Variants in FAM168A observed in about 807,000 individuals in gnomAD.
FAM168A encodes family with sequence similarity 168 member A.
Under a neutral mutation model 28.5 loss-of-function variants are expected in FAM168A, and 3 were observed. The observed-to-expected ratio is 0.11, with a 90% CI of 0.05 to 0.27. The LOEUF is 0.27. FAM168A is among the 10% of genes least tolerant of loss of function. The pLI is 1.00. For missense variants in FAM168A, 222 were observed against 311.5 expected (o/e 0.71, Z 2.16); for synonymous variants, 122 against 124.2 (o/e 0.98, Z 0.12).
chr11:73,571,219 C>T, intron 1 of FAM168A, among the ~76,000 whole-genome samples: 1 of 104,882 alleles, frequency 9.5e-6, no homozygotes, highest in African/African-American at 5.1e-5. Flanking sequence ...TAAACTCTCC[C>T]TCTCCCCCTC....
chr11:73,574,173 T>C (rs1264881431), intron 1 of FAM168A, among the ~76,000 whole-genome samples: 1 of 152,212 alleles, frequency 6.6e-6, no homozygotes, highest in Non-Finnish European at 1.5e-5. Flanking sequence ...TAATTATGAA[T>C]GTCACATAAT....
intron 1 of FAM168A, among the ~76,000 whole-genome samples, chr11:73,589,183 A>G (rs1313856939): frequency 6.6e-6 from 1 of 152,250 alleles, no homozygotes; most frequent in East Asian, 1.9e-4. Context: ...CCAACGCATA[A>G]TGCTACAAAA....
At chr11:73,502,218 GT>G (rs1269089293) in intron 1 of FAM168A, among the ~76,000 whole-genome samples, 18 of 151,672 alleles carry the variant, frequency 1.2e-4, no homozygotes. Context: ...CCAGGAGCTG[GT>G]TTTCTGAAAA....
chr11:73,563,675 T>C lies in FAM168A; in HGVS notation c.-19+34248A>G, dbSNP rs183382025. ...CCCAAAAGCTTTTCCTTCTATTAACTCACAACAACCCTTTGAGCCAGGCAG... is the reference window on the plus strand; with the variant it reads ...CCCAAAAGCTTTTCCTTCTATTAACCCACAACAACCCTTTGAGCCAGGCAG... On this transcript the variant is annotated intron_variant, in intron 1 of 7. Coordinates refer to ENST00000356467, the MANE Select transcript of FAM168A (RefSeq NM_015159.3). Among the ~76,000 whole-genome samples, 30 of 152,320 alleles carry C rather than the reference T, an allele frequency of 2.0e-4. 1 individual carries two copies. Among genetic ancestry groups the C allele is most frequent in the Admixed American group, 1.9e-3 (29 of 15,302 alleles).
chr11:73,478,809 G>T (rs904972585), intron 1 of FAM168A, among the ~76,000 whole-genome samples: 1 of 152,026 alleles, frequency 6.6e-6, no homozygotes, highest in African/African-American at 2.4e-5. Context: ...TTTATATGAG[G>T]GAAACAGCCT....
At chr11:73,562,176 C>T (rs1006104755) in intron 1 of FAM168A, among the ~76,000 whole-genome samples, 1 of 152,174 alleles carries the variant, frequency 6.6e-6, no homozygotes, top group Admixed American at 6.5e-5. Context: ...CTCCTGACTT[C>T]GTGATCCGCC....
chr11:73,450,110 C>T (rs1168325292), intron 2 of FAM168A, among the ~76,000 whole-genome samples: 1 of 152,228 alleles, frequency 6.6e-6, no homozygotes, highest in African/African-American at 2.4e-5. Context: ...CTGCTGGAAA[C>T]TGGCTTGCAT....
At chr11:73,533,309 C>T (rs1187914647) in intron 1 of FAM168A, among the ~76,000 whole-genome samples, 1 of 152,130 alleles carries the variant, frequency 6.6e-6, no homozygotes, top group Non-Finnish European at 1.5e-5. Flanking sequence ...TGGAATTCAG[C>T]AACCCAATTA....
intron 1 of FAM168A, among the ~76,000 whole-genome samples, chr11:73,581,815 T>C (rs1944250662): frequency 6.6e-6 from 1 of 151,412 alleles, no homozygotes; most frequent in South Asian, 2.1e-4. Flanking sequence ...GCCTCCCGGG[T>C]TCAAGCGATT....
chr11:73,594,363 G>C (rs1944418894), intron 1 of FAM168A, among the ~76,000 whole-genome samples: 1 of 151,200 alleles, frequency 6.6e-6, no homozygotes, highest in Non-Finnish European at 1.5e-5. Flanking sequence ...GCCTCCCAAA[G>C]TCTGGGATTA....
At chr11:73,440,741 G>A (rs1365331784) in intron 2 of FAM168A, among the ~76,000 whole-genome samples, 1 of 152,140 alleles carries the variant, frequency 6.6e-6, no homozygotes, top group Non-Finnish European at 1.5e-5. Flanking sequence ...CCAAAAGGGA[G>A]AACCACAAAA....
At chr11:73,482,010 G>C (rs1867973641) in intron 1 of FAM168A, among the ~76,000 whole-genome samples, 1 of 151,982 alleles carries the variant, frequency 6.6e-6, no homozygotes, top group African/African-American at 2.4e-5. Flanking sequence ...AGCATTCAAG[G>C]TGCTGTCTTA....
At chr11:73,473,481 G>A (rs1867843135) in intron 1 of FAM168A, among the ~76,000 whole-genome samples, 1 of 152,130 alleles carries the variant, frequency 6.6e-6, no homozygotes, top group Non-Finnish European at 1.5e-5. Context: ...GGTCACTGCT[G>A]GGCACCATGG....
intron 1 of FAM168A, among the ~76,000 whole-genome samples, chr11:73,534,408 T>C (rs192894349): frequency 7.9e-6 from 1 of 125,988 alleles, no homozygotes; most frequent in Admixed American, 7.3e-5. Flanking sequence ...TATTTATTTA[T>C]TTTTTTTTTT....
intron 1 of FAM168A, among the ~76,000 whole-genome samples, chr11:73,508,588 C>T (rs555424383): frequency 1.3e-5 from 2 of 151,684 alleles, no homozygotes; most frequent in Non-Finnish European, 2.9e-5. Context: ...CCTGAGAATA[C>T]CAGGGGTGGG....
chr11:73,519,972 A>C lies in FAM168A; in HGVS notation c.-18-51480T>G, dbSNP rs181996300. On this transcript the variant is annotated intron_variant, in intron 1 of 7. Coordinates refer to ENST00000356467, the MANE Select transcript of FAM168A (RefSeq NM_015159.3). ...CTCTGCCCAGTACATAGATTTTTGA[A>C]GCAATATTGTTGGGTTAATCACAGG... 3.7e-3 allele frequency among the ~76,000 whole-genome samples: 558 copies of C among 152,038 alleles called. 3 individuals carry two copies. Among genetic ancestry groups the C allele is most frequent in the African/African-American group, 0.013 (526 of 41,458 alleles).
intron 1 of FAM168A, among the ~76,000 whole-genome samples, chr11:73,534,710 T>C (rs1943555877): frequency 6.6e-6 from 1 of 152,066 alleles, no homozygotes; most frequent in Non-Finnish European, 1.5e-5. Context: ...GGCAGTACCA[T>C]ATATTTCTAG....
At chr11:73,574,675 G>A (rs1192247423) in intron 1 of FAM168A, among the ~76,000 whole-genome samples, 1 of 149,602 alleles carries the variant, frequency 6.7e-6, no homozygotes, top group Non-Finnish European at 1.5e-5. Flanking sequence ...TGATTCTCCT[G>A]CCTCAGCCTC....
chr11:73,441,085 A>G (rs1229536379), intron 2 of FAM168A, among the ~76,000 whole-genome samples: 1 of 149,236 alleles, frequency 6.7e-6, no homozygotes, highest in African/African-American at 2.5e-5. Context: ...TTTGAGACAG[A>G]GTCTTGCTCT....
Sources: allele counts gnomAD v4.1 joint callset (sites outside exome capture counted in the v4.1 genomes callset), GRCh38; gene constraint gnomAD v4.1.1; transcripts MANE v1.5; gene names NCBI Gene and HGNC (gene_info 2026-07-23, HGNC 2026-07-21).